FBXW10: variants seen among roughly 807,000 people sequenced by gnomAD.
The protein encoded by FBXW10 is F-box/WD repeat-containing protein 10.
In FBXW10, 68 loss-of-function variants were observed where a neutral mutation model predicts 113.1. The ratio of observed to expected loss-of-function variants is 0.60; its 90% CI spans 0.49 to 0.74. FBXW10 has a LOEUF of 0.74. Ranked by LOEUF, FBXW10 falls within the 30% of genes least tolerant of loss-of-function variation. FBXW10 has a pLI of 0.00. For synonymous variants in FBXW10, 289 were observed against 481.6 expected, an observed-to-expected ratio of 0.60 and a Z score of 5.24; for missense variants, 753 against 1,284.5, an observed-to-expected ratio of 0.59 and a Z score of 6.32.
intron 6 of FBXW10, 40 bp from the exon 7 acceptor site, chr17:18,758,265 A>C (rs978289823): frequency 1.4e-6 from 2 of 1,450,464 alleles, no homozygotes; most frequent in Non-Finnish European, 1.9e-6. Context: ...AGGGACACTG[A>C]CTCTTCTTTC....
At chr17:18,757,497 C>G (rs2035289107) in intron 6 of FBXW10, among the ~76,000 whole-genome samples, 1 of 152,148 alleles carries the variant, frequency 6.6e-6, no homozygotes, top group Non-Finnish European at 1.5e-5. Context: ...AATAGTGTCC[C>G]CAGGTTGGGC....
chr17:18,764,461 A>C (rs950160632), intron 7 of FBXW10, among the ~76,000 whole-genome samples: 2 of 152,018 alleles, frequency 1.3e-5, no homozygotes, highest in African/African-American at 4.8e-5. Flanking sequence ...CAGCCTCCCA[A>C]AGTGCTGGGA....
intron 2 of FBXW10, among the ~76,000 whole-genome samples, chr17:18,749,261 G>T (rs1001979429): frequency 6.6e-6 from 1 of 152,094 alleles, no homozygotes; most frequent in African/African-American, 2.4e-5. Flanking sequence ...ATTCTCGGCC[G>T]AGTGCGGTGG....
intron 10 of FBXW10, chr17:18,769,638 G>C (rs1268313734): frequency 2.3e-5 from 7 of 307,314 alleles, no homozygotes; most frequent in Non-Finnish European, 3.6e-5. Context: ...TTAGCCAGGT[G>C]TGGTGGCGCA....
rs2035679783 is a variant in FBXW10, at chr17:18,775,193, G to C, written c.2335+1G>C. 1 of 1,599,628 alleles carries C rather than the reference G, an allele frequency of 6.3e-7. No homozygotes were observed. The highest frequency in any genetic ancestry group is 1.1e-5 in the South Asian group (1 of 90,800). On this transcript the variant is annotated splice_donor_variant, in intron 13 of 13. Coordinates refer to ENST00000395665, the MANE Select transcript of FBXW10 (RefSeq NM_001267585.2). LOFTEE classifies it high-confidence loss of function. Reference sequence around the variant, plus strand: ...AAGTCAAAATCACCCCGAAGAGATGGTAAGAAGAGAGTTTATTCTGTTCAT... The same window carrying C: ...AAGTCAAAATCACCCCGAAGAGATGCTAAGAAGAGAGTTTATTCTGTTCAT...
intron 13 of FBXW10, among the ~76,000 whole-genome samples, chr17:18,775,865 C>A (rs181347226): frequency 9.9e-5 from 15 of 151,942 alleles, no homozygotes; most frequent in African/African-American, 3.4e-4. Context: ...CTTGTCTCTA[C>A]CAAAAATTCA....
chr17:18,776,802 CA>C (rs1430625012), intron 13 of FBXW10, among the ~76,000 whole-genome samples: 1 of 152,068 alleles, frequency 6.6e-6, no homozygotes, highest in Non-Finnish European at 1.5e-5. Context: ...TGACCATTAA[CA>C]AACTAAATGT....
chr17:18,749,927 G>A lies in FBXW10; in HGVS notation c.871+5G>A, dbSNP rs2035126614. On this transcript the variant is annotated splice_donor_5th_base_variant and intron_variant, in intron 3 of 13. Coordinates refer to ENST00000395665, the MANE Select transcript of FBXW10 (RefSeq NM_001267585.2). ...ACCTCTCCAAGTACATTCTAAGTAT[G>A]CTGGGGTGTATGAGGGGATTTCCCA... 1.2e-6 allele frequency: 2 copies of A among 1,613,724 alleles called. No homozygotes were observed. The highest frequency in any genetic ancestry group is 2.2e-5 in the South Asian group (2 of 91,034).
At chr17:18,761,412 C>T (rs1407187373) in intron 7 of FBXW10, among the ~76,000 whole-genome samples, 1 of 151,868 alleles carries the variant, frequency 6.6e-6, no homozygotes, top group Non-Finnish European at 1.5e-5. Context: ...ACTACAGGCA[C>T]CCGCCACCAC....
intron 10 of FBXW10, 63 bp from the exon 11 acceptor site, chr17:18,769,864 T>C: frequency 6.3e-7 from 1 of 1,576,530 alleles, no homozygotes; most frequent in East Asian, 2.3e-5. Context: ...GCTCCCAACC[T>C]ACAAACAAAC....
chr17:18,777,654 C>G (rs935639430), intron 13 of FBXW10, among the ~76,000 whole-genome samples: 6 of 151,746 alleles, frequency 4.0e-5, no homozygotes, highest in African/African-American at 1.5e-4. Context: ...TGCCATTCTC[C>G]TGCCTCAGCC....
At chr17:18,769,617 A>C in intron 10 of FBXW10, 1 of 266,806 alleles carries the variant, frequency 3.7e-6, no homozygotes, top group Non-Finnish European at 7.1e-6. Context: ...TCTCTACTAA[A>C]TACAAAAAAA....
rs372514251 is a variant in FBXW10 at position 18,750,170 on chromosome 17, G to A, written c.999+33G>A. 125 of 1,576,844 alleles carry A rather than the reference G, an allele frequency of 7.9e-5. No homozygotes were observed. The African/African-American group carries it at 1.5e-3, about 19-fold the overall frequency. ...CTGCAAGTCTGAAAGGGGAATGTCT[G>A]AGACCAGCTTCATTTTCGTGTTGAG... On this transcript the variant is annotated intron_variant, in intron 4 of 13. Transcript: ENST00000395665.
intron 9 of FBXW10, among the ~76,000 whole-genome samples, chr17:18,768,030 C>CCTTT (rs2035534329): frequency 1.6e-5 from 1 of 63,352 alleles, no homozygotes; most frequent in Non-Finnish European, 3.3e-5. Flanking sequence ...TTCCTTTCTT[C>CCTTT]CTTCCTTCCT....
chr17:18,772,428 G>A lies in FBXW10; in HGVS notation c.2023G>A (p.Glu675Lys). The change falls in exon 12 of 14, where the codon GAG (glutamate) becomes AAG (lysine). Residue 675 changes from glutamate to lysine, a missense_variant. Physicochemically the swap from Glu to Lys is moderately conservative, Grantham distance 56 (BLOSUM62 1). Transcript: ENST00000395665. Reference sequence around the variant, plus strand: ...CGGTTCCAGGATGGTGGTCAACACAGAGAGCAATGTTCTCATGTTCCAGTT... The same window carrying A: ...CGGTTCCAGGATGGTGGTCAACACAAAGAGCAATGTTCTCATGTTCCAGTT... ...IQGNRMVVNTESNVLMFQFEH... is the reference protein window; with the variant it reads ...IQGNRMVVNTKSNVLMFQFEH... 1 of 1,613,904 alleles carries A rather than the reference G, an allele frequency of 6.2e-7. No individual in the cohort carries two copies. Among genetic ancestry groups the A allele is most frequent in the Non-Finnish European group, 8.5e-7 (1 of 1,179,922 alleles).
In FBXW10 at chr17:18,772,666, C is replaced by A; in HGVS notation, c.2261C>A (p.Pro754Gln). Reference protein sequence around the residue: ...KPPKSRVLLKPAKFSSAVLIE... With the variant: ...KPPKSRVLLKQAKFSSAVLIE... Reference sequence around the variant, plus strand: ...CCCAAGTCCCGAGTACTCCTGAAGCCGGCCAAGTTCTCTTCAGGTAAAAAA... The same window carrying A: ...CCCAAGTCCCGAGTACTCCTGAAGCAGGCCAAGTTCTCTTCAGGTAAAAAA... Residue 754 changes from proline to glutamine, a missense_variant, in exon 12 of 14, where the codon CCG (proline) becomes CAG (glutamine). Pro to Gln is a moderately conservative substitution (Grantham distance 76). Coordinates refer to ENST00000395665, the MANE Select transcript of FBXW10 (RefSeq NM_001267585.2). 1.2e-6 allele frequency: 2 copies of A among 1,610,354 alleles called. No homozygotes were observed. The highest frequency in any genetic ancestry group is 1.7e-6 in the Non-Finnish European group (2 of 1,178,990).
intron 5 of FBXW10, among the ~76,000 whole-genome samples, chr17:18,753,329 G>A (rs1219621807): frequency 1.3e-5 from 2 of 151,914 alleles, no homozygotes; most frequent in African/African-American, 4.8e-5. Context: ...TATGCCTGCA[G>A]CTGCAGAAAG....
chr17:18,761,352 G>T (rs1402274855), intron 7 of FBXW10, among the ~76,000 whole-genome samples: 2 of 150,666 alleles, frequency 1.3e-5, no homozygotes, highest in Non-Finnish European at 2.9e-5. Flanking sequence ...TGCCAGCTCC[G>T]CCTTCCGTGA....
rs183251961 is a variant in FBXW10 at position 18,753,590 on chromosome 17, G to A, written c.1123-2455G>A. ...TCTTACATGTGTAATTTAAGAAAAGGGGCCAGGCGCAGTGGCTCATGCCTG... is the reference window on the plus strand; with the variant it reads ...TCTTACATGTGTAATTTAAGAAAAGAGGCCAGGCGCAGTGGCTCATGCCTG... On this transcript the variant is annotated intron_variant, in intron 5 of 13. Coordinates refer to ENST00000395665, the MANE Select transcript of FBXW10 (RefSeq NM_001267585.2). Among the ~76,000 whole-genome samples, 332 of 152,148 alleles carry A rather than the reference G, an allele frequency of 2.2e-3. 3 individuals carry two copies. Among genetic ancestry groups the A allele is most frequent in the Admixed American group, 0.018 (274 of 15,262 alleles).
Sources: allele counts gnomAD v4.1 joint callset (sites outside exome capture counted in the v4.1 genomes callset), GRCh38; gene constraint gnomAD v4.1.1; transcripts MANE v1.5; gene names NCBI Gene and HGNC (gene_info 2026-07-23, HGNC 2026-07-21).